Variants in PLEKHH2 observed in about 807,000 individuals in gnomAD.
PLEKHH2 encodes pleckstrin homology domain-containing family H member 2.
PLEKHH2 carries 129 observed loss-of-function variants against 187.9 expected under a neutral mutation model. The observed-to-expected ratio is 0.69, with a 90% CI of 0.59 to 0.79. PLEKHH2 has a LOEUF of 0.79. Ranked by LOEUF, PLEKHH2 falls within the 30% of genes least tolerant of loss-of-function variation. The pLI, the probability that PLEKHH2 is intolerant of heterozygous loss-of-function variation, is 0.00. For missense variants in PLEKHH2, 2,076 were observed against 1,751.2 expected (o/e 1.19, Z -3.31); for synonymous variants, 686 against 605.6 (o/e 1.13, Z -1.95).
intron 27 of PLEKHH2, among the ~76,000 whole-genome samples, chr2:43,759,488 A>T (rs894967317): frequency 2.6e-5 from 4 of 152,236 alleles, no homozygotes; most frequent in African/African-American, 9.6e-5. Flanking sequence ...CTGTATGGCA[A>T]ATATCACTAT....
At chr2:43,699,116 C>G (rs1202363037) in intron 7 of PLEKHH2, among the ~76,000 whole-genome samples, 1 of 151,942 alleles carries the variant, frequency 6.6e-6, no homozygotes, top group East Asian at 1.9e-4. Context: ...AGAATTCATG[C>G]TGTTCATTTT....
intron 2 of PLEKHH2, among the ~76,000 whole-genome samples, chr2:43,654,659 C>T (rs1472625155): frequency 6.9e-6 from 1 of 145,292 alleles, no homozygotes; most frequent in African/African-American, 2.6e-5. Context: ...GGGAGGATTG[C>T]TTGAGGCCAA....
intron 23 of PLEKHH2, among the ~76,000 whole-genome samples, chr2:43,744,780 A>T (rs1478986814): frequency 6.6e-6 from 1 of 150,874 alleles, no homozygotes; most frequent in Non-Finnish European, 1.5e-5. Flanking sequence ...AGGCACTAGA[A>T]TCTCTTGAGC....
intron 16 of PLEKHH2, among the ~76,000 whole-genome samples, chr2:43,725,947 A>T (rs992849273): frequency 6.9e-6 from 1 of 145,786 alleles, no homozygotes; most frequent in Non-Finnish European, 1.5e-5. Flanking sequence ...CCTATCTCCA[A>T]AAAAAAATCA....
intron 3 of PLEKHH2, among the ~76,000 whole-genome samples, chr2:43,686,159 C>G (rs1309140070): frequency 6.8e-6 from 1 of 147,120 alleles, no homozygotes; most frequent in Non-Finnish European, 1.5e-5. Context: ...TTCCTTCTTC[C>G]TCTTCCTTCT....
rs1000696982 is a variant in PLEKHH2, at chr2:43,767,391, A to T, written c.*1793A>T. ...CATTGCTCAAATAATATTTTACTTT[A>T]TTGATAATGACAAAAAGAATATTTT... On this transcript the variant is annotated 3_prime_UTR_variant, in exon 30 of 30. Coordinates refer to ENST00000282406, the MANE Select transcript of PLEKHH2 (RefSeq NM_172069.4). 38 of 152,458 alleles carry T rather than the reference A, an allele frequency of 2.5e-4. No homozygotes were observed. The highest frequency in any genetic ancestry group is 8.9e-4 in the African/African-American group (37 of 41,578). 9.4% of individuals were successfully genotyped at this position (152,458 alleles called of 1,614,324 possible).
intron 6 of PLEKHH2, among the ~76,000 whole-genome samples, chr2:43,696,496 A>AG (rs979823717): frequency 7.9e-5 from 12 of 151,670 alleles, no homozygotes; most frequent in Middle Eastern, 3.2e-3. Context: ...TCAAAAAAAA[A>AG]AAAAAAAGTC....
chr2:43,700,680 T>A, intron 8 of PLEKHH2, 72 bp downstream of exon 8: 2 of 1,501,862 alleles, frequency 1.3e-6, no homozygotes, highest in Non-Finnish European at 1.8e-6. Context: ...TGGGAGGGAG[T>A]CTCGCTCTGT....
chr2:43,670,276 G>C (rs968427428), intron 2 of PLEKHH2, among the ~76,000 whole-genome samples: 1 of 152,106 alleles, frequency 6.6e-6, no homozygotes, highest in Admixed American at 6.5e-5. Context: ...CAAGGACTTC[G>C]TATTAAGCAG....
Position 43,644,806 on chromosome 2 carries a change from C to G in PLEKHH2, c.123+10C>G. On this transcript the variant is annotated intron_variant, in intron 2 of 29. Transcript: ENST00000282406. ...GCTTTTAGCAGAGAAGGTAAGCTTT[C>G]TCCCTAAGCTTTGTTATTAAATGTC... 2 of 1,593,678 alleles carry G rather than the reference C, an allele frequency of 1.3e-6. No individual in the cohort carries two copies. Among genetic ancestry groups the G allele is most frequent in the Non-Finnish European group, 1.7e-6 (2 of 1,171,098 alleles).
At chr2:43,675,647 A>G (rs769367032) in intron 2 of PLEKHH2, 3 of 1,613,934 alleles carry the variant, frequency 1.9e-6, no homozygotes, top group Non-Finnish European at 2.5e-6. Context: ...ACTCCTGCAT[A>G]TTTCAGGCAT....
rs1491348070 is a variant in PLEKHH2, at chr2:43,698,252, T to TC, written c.688+896_688+897insC. 4.3e-3 allele frequency among the ~76,000 whole-genome samples: 150 copies of TC among 34,956 alleles called. No homozygotes were observed. In the African/African-American group the frequency reaches 0.056, roughly 13 times the overall value. 22.9% of individuals were successfully genotyped at this position (34,956 alleles called of 152,430 possible). On this transcript the variant is annotated intron_variant, in intron 7 of 29. Coordinates refer to ENST00000282406, the MANE Select transcript of PLEKHH2 (RefSeq NM_172069.4). ...GCTTTGCTCTTCTCTTCTCTCTCTC[T>TC]TTTTTTTTTTTTTGAGACAGGATCT...
In PLEKHH2 at chr2:43,696,608, G is replaced by A. The variant is rs537867022; in HGVS notation, c.503-563G>A. Among the ~76,000 whole-genome samples the A allele has an allele frequency of 1.4e-4, 21 of 151,364 alleles. 1 individual carries two copies. The South Asian group carries it at 4.2e-3, about 30-fold the overall frequency. The stretch of plus-strand genomic sequence containing the variant: ...TCTTTTTTTTTCTCTTTAAAGAAGT[G>A]ATTAAAGCTCTTTATATTGTGGTTA... On this transcript the variant is annotated intron_variant, in intron 6 of 29. Transcript: ENST00000282406.
At chr2:43,717,477 G>T (rs1021075633) in intron 15 of PLEKHH2, among the ~76,000 whole-genome samples, 2 of 152,136 alleles carry the variant, frequency 1.3e-5, no homozygotes, top group African/African-American at 4.8e-5. Flanking sequence ...GTAAGTGAGA[G>T]GGGGAGGGAA....
At chr2:43,702,761 G>A (rs1442885278) in intron 8 of PLEKHH2, among the ~76,000 whole-genome samples, 2 of 151,976 alleles carry the variant, frequency 1.3e-5, no homozygotes, top group Admixed American at 1.3e-4. Flanking sequence ...TTAAGGCATA[G>A]CCTATCCTTA....
At chr2:43,693,568 C>CA (rs1668931364) in intron 4 of PLEKHH2, among the ~76,000 whole-genome samples, 1 of 151,612 alleles carries the variant, frequency 6.6e-6, no homozygotes. Context: ...GCTAAAAGTA[C>CA]AAAAAATTAG....
chr2:43,687,544 G>T (rs1285279537), intron 3 of PLEKHH2, among the ~76,000 whole-genome samples: 1 of 152,112 alleles, frequency 6.6e-6, no homozygotes, highest in South Asian at 2.1e-4. Flanking sequence ...TGGTACTTCT[G>T]TTTCTTTGAG....
chr2:43,678,078 C>T (rs1459682823), intron 2 of PLEKHH2, among the ~76,000 whole-genome samples: 9 of 144,056 alleles, frequency 6.2e-5, no homozygotes, highest in African/African-American at 1.3e-4. Flanking sequence ...GACGGGGTCG[C>T]GGCCGGGCAG....
At chr2:43,693,681 A>G (rs553725981) in intron 4 of PLEKHH2, among the ~76,000 whole-genome samples, 2 of 132,538 alleles carry the variant, frequency 1.5e-5, no homozygotes, top group Admixed American at 8.5e-5. Context: ...CCGAGATTGC[A>G]CCACTGCACT....
Sources: allele counts gnomAD v4.1 joint callset (sites outside exome capture counted in the v4.1 genomes callset), GRCh38; gene constraint gnomAD v4.1.1; transcripts MANE v1.5; gene names NCBI Gene and HGNC (gene_info 2026-07-23, HGNC 2026-07-21).